The following SLC29A3 variants were observed in gnomAD, a reference collection of about 807,000 sequenced individuals.
SLC29A3 encodes the protein equilibrative nucleoside transporter 3.
SLC29A3 carries 18 observed loss-of-function variants against 25.4 expected under a neutral mutation model. The ratio of observed to expected loss-of-function variants is 0.71; its 90% CI spans 0.49 to 1.05. The LOEUF (loss-of-function observed/expected upper bound fraction) is 1.05. Among genes scored for constraint, SLC29A3 ranks in the 50% least tolerant of loss-of-function variants. The pLI is 0.00. For synonymous variants in SLC29A3, 258 were observed against 267.1 expected (o/e 0.97, Z 0.33); for missense variants, 586 against 609.0 (o/e 0.96, Z 0.40).
chr10:71,337,396 G>A (rs952254694), intron 2 of SLC29A3, among the ~76,000 whole-genome samples: 1 of 152,232 alleles, frequency 6.6e-6, no homozygotes, highest in Non-Finnish European at 1.5e-5. Context: ...ATCCGAAAGC[G>A]GCAAGTTTGC....
downstream of SLC29A3, among the ~76,000 whole-genome samples, chr10:71,367,901 A>G (rs977703195): frequency 1.3e-5 from 2 of 152,294 alleles, no homozygotes; most frequent in Non-Finnish European, 2.9e-5. Flanking sequence ...CACTTTAGCC[A>G]CGTCCTGCTG....
intron 3 of SLC29A3, among the ~76,000 whole-genome samples, chr10:71,375,246 C>A (rs138044400): frequency 6.6e-6 from 1 of 152,274 alleles, no homozygotes; most frequent in South Asian, 2.1e-4. Flanking sequence ...AGGACTACTG[C>A]GGCCACCGTT....
chr10:71,319,424 G>T, intron 1 of SLC29A3, 114 bp downstream of exon 1: 1 of 517,712 alleles, frequency 1.9e-6, no homozygotes, highest in South Asian at 2.5e-5. Flanking sequence ...CAGGGGAGCC[G>T]CAGGACCCTA....
At chr10:71,344,091 G>A in intron 2 of SLC29A3, 118 bp from the exon 3 acceptor site, 1 of 850,050 alleles carries the variant, frequency 1.2e-6, no homozygotes, top group Non-Finnish European at 2.0e-6. Context: ...CACGGCTCCT[G>A]GGTGTCTGAA....
intron 5 of SLC29A3, among the ~76,000 whole-genome samples, chr10:71,357,364 G>A (rs541499096): frequency 1.3e-5 from 2 of 152,076 alleles, no homozygotes; most frequent in South Asian, 4.2e-4. Flanking sequence ...GCAGTGAGCT[G>A]AGATCGCACC....
At chr10:71,373,045 G>A (rs1229720670) in intron 3 of SLC29A3, among the ~76,000 whole-genome samples, 4 of 152,158 alleles carry the variant, frequency 2.6e-5, no homozygotes, top group African/African-American at 7.2e-5. Context: ...TGAGGGGTGC[G>A]GGGCTGCCTC....
Position 71,362,445 on chromosome 10 carries a change from T to A in SLC29A3, c.1265T>A (p.Leu422Gln). ...TACCCCGCACTCCTCAGCTCCCTGC[T>A]GGGGCTCAGCAACGGCTACCTCAGC... ...DVYPALLSSL[L>Q]GLSNGYLSTL... Residue 422 changes from leucine (L) to glutamine (Q), a missense_variant, in exon 6 of 6, where the codon CTG becomes CAG. Coordinates refer to ENST00000373189, the MANE Select transcript of SLC29A3 (RefSeq NM_018344.6). The A allele has an allele frequency of 1.2e-6, 2 of 1,614,206 alleles. No individual in the cohort carries two copies. Among genetic ancestry groups the A allele is most frequent in the Non-Finnish European group, 1.7e-6 (2 of 1,180,042 alleles).
rs551516019 is a variant in SLC29A3, at chr10:71,358,562, C to T, written c.773+2319C>T. ...GCTCTCCATCCCCCAGCATCCTGTACACTGCCTGGCACCTCAGCGTTGTGC... is the reference window on the plus strand; with the variant it reads ...GCTCTCCATCCCCCAGCATCCTGTATACTGCCTGGCACCTCAGCGTTGTGC... On this transcript the variant is annotated intron_variant, in intron 5 of 5. Transcript: ENST00000373189. Among the ~76,000 whole-genome samples the T allele has an allele frequency of 2.2e-4, 33 of 152,354 alleles. 1 individual carries two copies. In the South Asian group the frequency reaches 5.0e-3, roughly 23 times the overall value.
At chr10:71,363,808 C>CTTTTTTTTTTTTT (rs71012277), downstream of SLC29A3, among the ~76,000 whole-genome samples, 27 of 103,728 alleles carry the variant, frequency 2.6e-4, 3 homozygotes, top group Non-Finnish European at 3.9e-4. Flanking sequence ...TTTCCTTTTT[C>CTTTTTTTTTTTTT]TTTTCTTTTT....
chr10:71,347,532 G>T (rs1023372196), intron 3 of SLC29A3, among the ~76,000 whole-genome samples: 1 of 152,336 alleles, frequency 6.6e-6, no homozygotes, highest in South Asian at 2.1e-4. Flanking sequence ...CCCTTCCTGG[G>T]TGGAAGCAGC....
At position 71,355,081 on chromosome 10, in the gene SLC29A3, G is replaced by A. The variant is rs948344575; in HGVS notation, c.611-1000G>A. Among the ~76,000 whole-genome samples the A allele has an allele frequency of 3.9e-5, 6 of 152,216 alleles. No individual in the cohort carries two copies. The East Asian group carries it at 7.7e-4, about 20-fold the overall frequency. On this transcript the variant is annotated intron_variant, in intron 4 of 5. Transcript: ENST00000373189. ...CAGTCGTGGCGAGGCAGGGCATAGCGTTTGTTGAAGTCTACTGTGTGCCAG... is the reference window on the plus strand; with the variant it reads ...CAGTCGTGGCGAGGCAGGGCATAGCATTTGTTGAAGTCTACTGTGTGCCAG...
intron 3 of SLC29A3, among the ~76,000 whole-genome samples, chr10:71,351,276 G>A (rs776445592): frequency 4.6e-5 from 7 of 152,320 alleles, no homozygotes; most frequent in Middle Eastern, 3.4e-3. Flanking sequence ...AGGCACTGCC[G>A]CTTGCACCCC....
chr10:71,340,691 CAAATGTTTTCACATTTCCGT>C (rs1846380166), intron 2 of SLC29A3, among the ~76,000 whole-genome samples: 1 of 152,162 alleles, frequency 6.6e-6, no homozygotes, highest in South Asian at 2.1e-4. Context: ...GAGCTGTATT[CAAATGTTTTCACATTTCCGT>C]AAGTAAAATG....
At chr10:71,344,689 C>T (rs1846516507) in intron 3 of SLC29A3, among the ~76,000 whole-genome samples, 1 of 152,202 alleles carries the variant, frequency 6.6e-6, no homozygotes, top group African/African-American at 2.4e-5. Context: ...CAAGAGGGCT[C>T]ACGGGGGAAG....
At chr10:71,323,388 G>A (rs1845897836) in intron 2 of SLC29A3, among the ~76,000 whole-genome samples, 2 of 152,252 alleles carry the variant, frequency 1.3e-5, no homozygotes, top group Admixed American at 1.3e-4. Context: ...AGGCTGGTAT[G>A]ATGTTCTATG....
intron 2 of SLC29A3, among the ~76,000 whole-genome samples, chr10:71,341,436 G>T (rs774643069): frequency 3.9e-5 from 6 of 152,152 alleles, no homozygotes; most frequent in Non-Finnish European, 8.8e-5. Context: ...TGCAGGGACT[G>T]GTGTGCTAAC....
chr10:71,356,211 C>T lies in SLC29A3; in HGVS notation c.741C>T (p.Leu247=), dbSNP rs754549223. The T allele has an allele frequency of 2.5e-6, 4 of 1,613,952 alleles. No individual in the cohort carries two copies. In the African/African-American group the frequency reaches 5.3e-5, roughly 22 times the overall value. Residue 247 remains leucine, a synonymous_variant, in exon 5 of 6, where the codon CTC becomes CTT. Transcript: ENST00000373189. The stretch of plus-strand genomic sequence containing the variant: ...TCTTCCTCGTGCTCTGCATGGGACT[C>T]TACCTGCTGCTGTCCAGGCTGGAGT... ...ATVFLVLCMG[L]YLLLSRLEYA...
At chr10:71,325,669 T>G (rs1845948080) in intron 2 of SLC29A3, among the ~76,000 whole-genome samples, 2 of 152,042 alleles carry the variant, frequency 1.3e-5, no homozygotes, top group South Asian at 4.1e-4. Context: ...GCTGAGGAAG[T>G]GCCACAGGAA....
chr10:71,374,020 A>T (rs1004521885), intron 3 of SLC29A3, among the ~76,000 whole-genome samples: 2 of 152,236 alleles, frequency 1.3e-5, no homozygotes, highest in African/African-American at 4.8e-5. Flanking sequence ...ATAAAGGTAT[A>T]TATGTGTCAA....
Sources: allele counts gnomAD v4.1 joint callset (sites outside exome capture counted in the v4.1 genomes callset), GRCh38; gene constraint gnomAD v4.1.1; transcripts MANE v1.5; gene names NCBI Gene and HGNC (gene_info 2026-07-23, HGNC 2026-07-21).